The following CAMTA1 variants were observed in gnomAD, a reference collection of about 807,000 sequenced individuals.
CAMTA1 encodes calmodulin-binding transcription activator 1.
In CAMTA1, 27 loss-of-function variants were observed where a neutral mutation model predicts 170.9. The ratio of observed to expected loss-of-function variants is 0.16; its 90% CI spans 0.12 to 0.22. CAMTA1 has a LOEUF of 0.22. Among genes scored for constraint, CAMTA1 ranks in the 10% least tolerant of loss-of-function variants. The pLI is 1.00. For synonymous variants in CAMTA1, 833 were observed against 891.5 expected, an observed-to-expected ratio of 0.93 and a Z score of 1.17; for missense variants, 1,619 against 2,217.2, an observed-to-expected ratio of 0.73 and a Z score of 5.42.
intron 3 of CAMTA1, among the ~76,000 whole-genome samples, chr1:6,870,873 T>G (rs1237869780): frequency 1.3e-5 from 2 of 152,254 alleles, no homozygotes; most frequent in African/African-American, 4.8e-5. Flanking sequence ...GATGATTGTG[T>G]TATGATACTG....
chr1:6,949,111 C>T lies in CAMTA1; in HGVS notation c.234+123901C>T, dbSNP rs142513003. ...AGTCTGACTAATCCGGTCCTTGTGA[C>T]TAATCCACTCTGAGACTTTATCTTT... On this transcript the variant is annotated intron_variant, in intron 3 of 22. Coordinates refer to ENST00000303635, the MANE Select transcript of CAMTA1 (RefSeq NM_015215.4). Among the ~76,000 whole-genome samples the T allele has an allele frequency of 2.6e-5, 4 of 152,328 alleles. No individual in the cohort carries two copies. In the East Asian group the frequency reaches 7.7e-4, roughly 29 times the overall value.
chr1:7,488,260 C>T (rs1292245223), intron 6 of CAMTA1, among the ~76,000 whole-genome samples: 1 of 152,186 alleles, frequency 6.6e-6, no homozygotes, highest in Non-Finnish European at 1.5e-5. Context: ...GGGGCTGGAG[C>T]AGCTGTGAGG....
intron 4 of CAMTA1, among the ~76,000 whole-genome samples, chr1:7,188,471 C>T (rs990961031): frequency 1.3e-5 from 2 of 152,182 alleles, no homozygotes; most frequent in Non-Finnish European, 2.9e-5. Flanking sequence ...GTAACTCCCT[C>T]CCTCTCCCCT....
At chr1:7,019,634 AGAT>A (rs1384748492) in intron 3 of CAMTA1, among the ~76,000 whole-genome samples, 2 of 152,246 alleles carry the variant, frequency 1.3e-5, no homozygotes, top group Non-Finnish European at 2.9e-5. Flanking sequence ...TCAGCTACAC[AGAT>A]GATGAAACTG....
chr1:7,452,521 T>TC (rs2092851361), intron 5 of CAMTA1, among the ~76,000 whole-genome samples: 1 of 152,200 alleles, frequency 6.6e-6, no homozygotes, highest in African/African-American at 2.4e-5. Context: ...TAGCAGCCGT[T>TC]CCCCCTTCTT....
intron 3 of CAMTA1, among the ~76,000 whole-genome samples, chr1:7,023,043 C>A (rs900009648): frequency 1.3e-5 from 2 of 152,094 alleles, no homozygotes; most frequent in Admixed American, 6.5e-5. Context: ...AAACTGGGAA[C>A]AAGAAGGGAC....
chr1:7,249,718 A>C lies in CAMTA1; in HGVS notation c.438+92A>C. ...TGCTTGGAGTAATTTGATGCGAGTC[A>C]CCTCTGTCCAAAGAATTTTTGTTTG... is the stretch of plus-strand genomic sequence containing the variant. On this transcript the variant is annotated intron_variant, in intron 5 of 22. Coordinates refer to ENST00000303635, the MANE Select transcript of CAMTA1 (RefSeq NM_015215.4). This position sits in a 1 kb window ranked among gnomAD's most constrained non-coding sequence, Gnocchi z 4.4. 7.0e-7 allele frequency: 1 copy of C among 1,424,470 alleles called. No individual in the cohort carries two copies. Among genetic ancestry groups the C allele is most frequent in the Middle Eastern group, 1.9e-4 (1 of 5,304 alleles). The allele number at this position is 1,424,470 out of a possible 1,614,324, so 88.2% of individuals were successfully genotyped here.
intron 5 of CAMTA1, among the ~76,000 whole-genome samples, chr1:7,348,608 C>T (rs59394536): frequency 0.015 from 2,273 of 152,288 alleles, 58 homozygotes; most frequent in African/African-American, 0.052. Flanking sequence ...GGCGAGGATC[C>T]AACTAAGTGG....
chr1:7,353,716 G>A (rs2084880104), intron 5 of CAMTA1, among the ~76,000 whole-genome samples: 1 of 152,098 alleles, frequency 6.6e-6, no homozygotes, highest in East Asian at 1.9e-4. Context: ...GAGCCACCGT[G>A]CTGGGCCTGA....
At chr1:7,373,415 C>T (rs904285522) in intron 5 of CAMTA1, among the ~76,000 whole-genome samples, 2 of 152,204 alleles carry the variant, frequency 1.3e-5, no homozygotes, top group Non-Finnish European at 2.9e-5. Flanking sequence ...TGAAGTGAGA[C>T]GTGGGCCTAG....
chr1:7,001,899 T>TCTTCTTC, intron 3 of CAMTA1, among the ~76,000 whole-genome samples: 1 of 65,506 alleles, frequency 1.5e-5, no homozygotes, highest in South Asian at 3.4e-4. Flanking sequence ...TTCTTCTTCT[T>TCTTCTTC]TTTTTTTTTT....
intron 7 of CAMTA1, among the ~76,000 whole-genome samples, chr1:7,654,371 C>A (rs1351421519): frequency 6.6e-6 from 1 of 151,768 alleles, no homozygotes. Context: ...CAGAGTGAGA[C>A]CCTGTCTCAA....
chr1:6,929,358 TTG>T (rs1292016476), intron 3 of CAMTA1, among the ~76,000 whole-genome samples: 2 of 151,492 alleles, frequency 1.3e-5, no homozygotes, highest in African/African-American at 4.9e-5. Context: ...TTTTTTTTTT[TTG>T]TTTGTTTGTT....
chr1:7,031,083 G>A (rs755360658), intron 3 of CAMTA1, among the ~76,000 whole-genome samples: 10 of 144,536 alleles, frequency 6.9e-5, no homozygotes, highest in East Asian at 2.0e-4. Context: ...TCCTGACCTC[G>A]TGATCCACCT....
chr1:7,340,781 C>T (rs2083771137), intron 5 of CAMTA1, among the ~76,000 whole-genome samples: 1 of 151,712 alleles, frequency 6.6e-6, no homozygotes, highest in Non-Finnish European at 1.5e-5. Context: ...TACACTGTCT[C>T]ATTCAAAAAC....
intron 3 of CAMTA1, among the ~76,000 whole-genome samples, chr1:6,902,067 ACAC>A (rs1376659943): frequency 6.1e-5 from 5 of 82,280 alleles, no homozygotes; most frequent in East Asian, 2.5e-4. Flanking sequence ...ACACACACAC[ACAC>A]ACAAAAAAAA....
intron 4 of CAMTA1, among the ~76,000 whole-genome samples, chr1:7,170,478 C>G (rs1050632844): frequency 1.3e-5 from 2 of 152,034 alleles, no homozygotes; most frequent in Non-Finnish European, 1.5e-5. Flanking sequence ...CCTCCAACCC[C>G]GACAGGCCCC....
chr1:7,669,855 C>T (rs574186330), intron 9 of CAMTA1, among the ~76,000 whole-genome samples: 8 of 152,346 alleles, frequency 5.3e-5, no homozygotes, highest in African/African-American at 1.7e-4. Context: ...TCGGCTAAGC[C>T]GTAAGTAGGG....
intron 5 of CAMTA1, among the ~76,000 whole-genome samples, chr1:7,447,387 T>C (rs2092706120): frequency 1.8e-5 from 2 of 113,372 alleles, no homozygotes; most frequent in Admixed American, 2.6e-4. Flanking sequence ...TTGATAGTGT[T>C]GGGCCTGCCT....
Sources: allele counts gnomAD v4.1 joint callset (sites outside exome capture counted in the v4.1 genomes callset), GRCh38; gene constraint gnomAD v4.1.1; non-coding constraint Gnocchi (gnomAD v3.1); transcripts MANE v1.5; gene names NCBI Gene and HGNC (gene_info 2026-07-23, HGNC 2026-07-21).